The following GRIN2A variants were observed in gnomAD, a reference collection of about 807,000 sequenced individuals.
GRIN2A encodes glutamate receptor ionotropic, NMDA 2A.
GRIN2A carries 22 observed loss-of-function variants against 113.4 expected under a neutral mutation model. That is an observed-to-expected ratio of 0.19 (90% CI 0.14 to 0.28). GRIN2A has a LOEUF of 0.28. Among genes scored for constraint, GRIN2A ranks in the 10% least tolerant of loss-of-function variants. GRIN2A has a pLI of 1.00. For synonymous variants in GRIN2A, 827 were observed against 738.4 expected, an observed-to-expected ratio of 1.12 and a Z score of -1.94; for missense variants, 1,502 against 1,887.0, an observed-to-expected ratio of 0.80 and a Z score of 3.78.
At chr16:9,997,089 T>C (rs2046236733) in intron 2 of GRIN2A, among the ~76,000 whole-genome samples, 1 of 152,198 alleles carries the variant, frequency 6.6e-6, no homozygotes, top group Admixed American at 6.5e-5. Flanking sequence ...AAAAACAACT[T>C]GATTAATCTT....
intron 2 of GRIN2A, among the ~76,000 whole-genome samples, chr16:10,060,115 G>A (rs777158523): frequency 1.1e-4 from 17 of 152,106 alleles, no homozygotes; most frequent in Non-Finnish European, 1.9e-4. Context: ...CAAGGAAGAG[G>A]AAGTGAGGGA....
In GRIN2A at chr16:9,757,462, G is replaced by C. The variant is rs560096207; in HGVS notation, c.*5687C>G. On this transcript the variant is annotated 3_prime_UTR_variant, in exon 13 of 13. Coordinates refer to ENST00000330684, the MANE Select transcript of GRIN2A (RefSeq NM_001134407.3). ...TTCTAATTTTTGCTGTTTAGTCTCT[G>C]TTTGCATTGCATGGGTCCTTGGTTA... is the stretch of plus-strand genomic sequence containing the variant. 1 of 225,062 alleles carries C rather than the reference G, an allele frequency of 4.4e-6. No homozygotes were observed. The highest frequency in any genetic ancestry group is 2.3e-5 in the African/African-American group (1 of 43,860). 13.9% of individuals were successfully genotyped at this position (225,062 alleles called of 1,614,324 possible). A position where few individuals can be genotyped will look rare whatever the true frequency, so the allele number is the denominator to read the frequency against.
rs147244873 is a variant in GRIN2A, at chr16:10,065,363, C to T, written c.414+114635G>A. ...CTACTCTTGTGACATTCTATTTCGG[C>T]CTCCTTGTTACAACCACGATTTTCT... On this transcript the variant is annotated intron_variant, in intron 2 of 12. Transcript: ENST00000330684. Among the ~76,000 whole-genome samples, 197 of 152,322 alleles carry T rather than the reference C, an allele frequency of 1.3e-3. 1 individual carries two copies. Among genetic ancestry groups the T allele is most frequent in the East Asian group, 7.9e-3 (41 of 5,180 alleles).
rs190103255 is a variant in GRIN2A at position 10,059,343 on chromosome 16, A to G, written c.414+120655T>C. ...TGGATTGTAAAGAAAAAGATAATTG[A>G]TAGAAGAGACCAGTTTAGAGGCCAT... On this transcript the variant is annotated intron_variant, in intron 2 of 12. Transcript: ENST00000330684. Among the ~76,000 whole-genome samples, 9 of 146,120 alleles carry G rather than the reference A, an allele frequency of 6.2e-5. 1 individual carries two copies. The highest frequency in any genetic ancestry group is 2.5e-4 in the African/African-American group (9 of 35,654).
chr16:10,157,191 G>C lies in GRIN2A; in HGVS notation c.414+22807C>G, dbSNP rs562903484. 2.0e-4 allele frequency among the ~76,000 whole-genome samples: 31 copies of C among 152,312 alleles called. No homozygotes were observed. In the South Asian group the frequency reaches 2.1e-3, roughly 10 times the overall value. ...TGATAAGGACCAGGTGCCAGGGATGGAGACGAACCAAGAGTTGGGCAGTGG... is the reference window on the plus strand; with the variant it reads ...TGATAAGGACCAGGTGCCAGGGATGCAGACGAACCAAGAGTTGGGCAGTGG... On this transcript the variant is annotated intron_variant, in intron 2 of 12. Coordinates refer to ENST00000330684, the MANE Select transcript of GRIN2A (RefSeq NM_001134407.3).
chr16:9,818,599 C>G (rs530271371), intron 10 of GRIN2A, among the ~76,000 whole-genome samples: 1 of 151,438 alleles, frequency 6.6e-6, no homozygotes, highest in South Asian at 2.1e-4. Flanking sequence ...AGAAAAAGAC[C>G]AACAAACCAA....
At chr16:9,781,138 G>C (rs560144119) in intron 11 of GRIN2A, among the ~76,000 whole-genome samples, 2 of 152,134 alleles carry the variant, frequency 1.3e-5, no homozygotes, top group Admixed American at 6.5e-5. Flanking sequence ...GAGTGTGGTT[G>C]TGTTCCAGTA....
intron 2 of GRIN2A, among the ~76,000 whole-genome samples, chr16:9,945,983 G>A (rs2045008723): frequency 6.6e-6 from 1 of 152,102 alleles, no homozygotes; most frequent in Non-Finnish European, 1.5e-5. Flanking sequence ...CAATGCCAGA[G>A]GAAAGAACAC....
chr16:10,019,105 G>A (rs1400134156), intron 2 of GRIN2A, among the ~76,000 whole-genome samples: 1 of 98,334 alleles, frequency 1.0e-5, no homozygotes, highest in Non-Finnish European at 2.3e-5. Context: ...GTGACCTTGA[G>A]CAAATTGCAG....
chr16:9,872,028 A>G (rs1234028655), intron 4 of GRIN2A, among the ~76,000 whole-genome samples: 1 of 152,184 alleles, frequency 6.6e-6, no homozygotes, highest in Non-Finnish European at 1.5e-5. Context: ...TAGGGGCAAT[A>G]ATAGTGCCAA....
At chr16:9,978,136 C>T (rs1342215815) in intron 2 of GRIN2A, among the ~76,000 whole-genome samples, 3 of 152,182 alleles carry the variant, frequency 2.0e-5, no homozygotes, top group Admixed American at 1.3e-4. Context: ...AATGCTACAG[C>T]ATAACGAAAG....
intron 3 of GRIN2A, among the ~76,000 whole-genome samples, chr16:9,899,394 C>T (rs527539024): frequency 4.4e-5 from 6 of 137,322 alleles, no homozygotes; most frequent in South Asian, 2.3e-4. Context: ...GAGTGGAGAT[C>T]GCACCATTGC....
chr16:9,827,682 G>C (rs2042411627), intron 9 of GRIN2A, among the ~76,000 whole-genome samples: 1 of 152,196 alleles, frequency 6.6e-6, no homozygotes, highest in Non-Finnish European at 1.5e-5. Context: ...TCCCTGAAGT[G>C]AGGCTTTGTC....
intron 11 of GRIN2A, among the ~76,000 whole-genome samples, chr16:9,774,702 C>T (rs914648071): frequency 2.6e-5 from 4 of 152,170 alleles, no homozygotes; most frequent in African/African-American, 7.2e-5. Context: ...GTTTTAATAT[C>T]GAGCAAATGG....
intron 3 of GRIN2A, among the ~76,000 whole-genome samples, chr16:9,926,941 C>T (rs1211264052): frequency 7.2e-6 from 1 of 139,274 alleles, no homozygotes; most frequent in Non-Finnish European, 1.6e-5. Context: ...AAAAAAAAAA[C>T]ATGCACACAA....
chr16:10,049,042 G>C (rs1171519135), intron 2 of GRIN2A, among the ~76,000 whole-genome samples: 5 of 152,108 alleles, frequency 3.3e-5, no homozygotes, highest in African/African-American at 9.7e-5. Flanking sequence ...TTCCAAAAGA[G>C]AGCCAGAGGG....
intron 4 of GRIN2A, among the ~76,000 whole-genome samples, chr16:9,853,535 C>T (rs1299741320): frequency 1.3e-5 from 2 of 152,154 alleles, no homozygotes; most frequent in Non-Finnish European, 2.9e-5. Context: ...TTCCCAGTCT[C>T]CAGAAGCATG....
At chr16:9,810,116 G>A (rs1436173891) in intron 10 of GRIN2A, among the ~76,000 whole-genome samples, 4 of 152,148 alleles carry the variant, frequency 2.6e-5, no homozygotes, top group African/African-American at 7.2e-5. Flanking sequence ...AAACAACTGA[G>A]ACCAGGAGGC....
intron 10 of GRIN2A, among the ~76,000 whole-genome samples, chr16:9,800,578 C>T (rs1567306974): frequency 6.6e-6 from 1 of 151,864 alleles, no homozygotes; most frequent in Admixed American, 6.6e-5. Context: ...GGTTTACAGC[C>T]GTGTTCTTCA....
Sources: allele counts gnomAD v4.1 joint callset (sites outside exome capture counted in the v4.1 genomes callset), GRCh38; gene constraint gnomAD v4.1.1; transcripts MANE v1.5; gene names NCBI Gene and HGNC (gene_info 2026-07-23, HGNC 2026-07-21).